The following BUD23 variants were observed in gnomAD, a reference collection of about 807,000 sequenced individuals.
BUD23 encodes the protein 18S rRNA (guanine-N(7))-methyltransferase.
A neutral mutation model predicts 47.0 loss-of-function variants in BUD23; 34 were observed. That is an observed-to-expected ratio of 0.72 (90% CI 0.55 to 0.96). The LOEUF (loss-of-function observed/expected upper bound fraction) is 0.96, where lower values mean the gene tolerates loss of function less well. Ranked by LOEUF, BUD23 falls within the 40% of genes least tolerant of loss-of-function variation. The pLI, the probability that BUD23 is intolerant of heterozygous loss-of-function variation, is 0.00. For missense variants in BUD23, 343 were observed against 361.2 expected (o/e 0.95, Z 0.41); for synonymous variants, 124 against 132.0 (o/e 0.94, Z 0.41).
At chr7:73,683,993 G>C in intron 2 of BUD23, 189 bp downstream of exon 2, 2 of 1,468,394 alleles carry the variant, frequency 1.4e-6, no homozygotes, top group East Asian at 4.9e-5. Context: ...CGGTACCTCA[G>C]CGTTGAGGTA....
chr7:73,694,142 C>G, intron 10 of BUD23, 92 bp downstream of exon 10: 1 of 1,348,510 alleles, frequency 7.4e-7, no homozygotes, highest in East Asian at 2.3e-5. Context: ...CCAAGCCTCT[C>G]AGGTCACATG....
At position 73,683,765 on chromosome 7, in the gene BUD23, A is replaced by T; in HGVS notation, c.49-2A>T. 1.2e-6 allele frequency: 2 copies of T among 1,614,000 alleles called. No individual in the cohort carries two copies. The highest frequency in any genetic ancestry group is 1.7e-6 in the Non-Finnish European group (2 of 1,180,024). On this transcript the variant is annotated splice_acceptor_variant, in intron 1 of 11. Coordinates refer to ENST00000265758, the MANE Select transcript of BUD23 (RefSeq NM_017528.5). LOFTEE classifies it high-confidence loss of function. Reference sequence around the variant, plus strand: ...CTACATGCCATTTTCTCTTTTTCGCAGTTTTATGACGAGACAGAAGCCCGG... The same window carrying T: ...CTACATGCCATTTTCTCTTTTTCGCTGTTTTATGACGAGACAGAAGCCCGG...
Position 73,698,138 on chromosome 7 carries a change from A to T in BUD23, c.*252A>T. The stretch of plus-strand genomic sequence containing the variant: ...TAATGAAACTTCCTTTCCAGGGAGG[A>T]AAAAAAAAAAAAAAAAAAGCTCTGA... On this transcript the variant is annotated 3_prime_UTR_variant, in exon 12 of 12. Transcript: ENST00000265758. 5.0e-6 allele frequency: 1 copy of T among 198,820 alleles called. No individual in the cohort carries two copies. Among genetic ancestry groups the T allele is most frequent in the East Asian group, 1.4e-4 (1 of 7,076 alleles). 12.3% of individuals were successfully genotyped at this position (198,820 alleles called of 1,614,324 possible). A position where few individuals can be genotyped will look rare whatever the true frequency, so the allele number is the denominator to read the frequency against.
At chr7:73,690,406 T>C (rs1217347624) in intron 5 of BUD23, among the ~76,000 whole-genome samples, 2 of 151,976 alleles carry the variant, frequency 1.3e-5, no homozygotes, top group African/African-American at 4.8e-5. Context: ...TGTATGTGAG[T>C]AGTCTAAAGC....
At chr7:73,688,132 A>G (rs1798051026) in intron 5 of BUD23, among the ~76,000 whole-genome samples, 1 of 151,790 alleles carries the variant, frequency 6.6e-6, no homozygotes, top group Non-Finnish European at 1.5e-5. Context: ...TCCTGACCTC[A>G]TGATCCGCCC....
Position 73,686,804 on chromosome 7 carries a change from GTCA to G in BUD23, c.183-12_183-10del. The G allele has an allele frequency of 6.2e-7, 1 of 1,614,116 alleles. No individual in the cohort carries two copies. Among genetic ancestry groups the G allele is most frequent in the Non-Finnish European group, 8.5e-7 (1 of 1,180,000 alleles). On this transcript the variant is annotated splice_polypyrimidine_tract_variant and intron_variant, in intron 3 of 11. Coordinates refer to ENST00000265758, the MANE Select transcript of BUD23 (RefSeq NM_017528.5). ...TTTGTAAACTGACCCTGAGTGTCTG[GTCA>G]TGTCTTCCAGCTGTGGCACTGGGCT...
chr7:73,693,832 C>T (rs782243119), intron 9 of BUD23, among the ~76,000 whole-genome samples, 160 bp from the exon 10 acceptor site: 1 of 152,158 alleles, frequency 6.6e-6, no homozygotes, highest in East Asian at 1.9e-4. Context: ...GAGGCAGAGA[C>T]CTCTGCTCTG....
At chr7:73,685,219 G>C (rs774835967) in intron 2 of BUD23, among the ~76,000 whole-genome samples, 48 of 152,210 alleles carry the variant, frequency 3.2e-4, no homozygotes, top group Non-Finnish European at 4.9e-4. Flanking sequence ...GGCAGAGGTT[G>C]CAGTGAGCTG....
chr7:73,684,626 G>GA (rs56146510), intron 2 of BUD23, among the ~76,000 whole-genome samples: 1 of 128,330 alleles, frequency 7.8e-6, no homozygotes, highest in Non-Finnish European at 1.6e-5. Context: ...AAGGGGGGGG[G>GA]ATGGGGGCGG....
intron 6 of BUD23, among the ~76,000 whole-genome samples, chr7:73,691,589 A>T (rs1798196045): frequency 6.6e-6 from 1 of 152,140 alleles, no homozygotes; most frequent in Admixed American, 6.5e-5. Flanking sequence ...TAAGTCCTAA[A>T]AATGAGTTCT....
intron 7 of BUD23, 176 bp downstream of exon 7, chr7:73,692,822 C>T (rs1425375301): frequency 9.9e-6 from 6 of 604,724 alleles, no homozygotes; most frequent in Admixed American, 6.4e-5. Flanking sequence ...GTGGCATCTG[C>T]GGAGGTGGGG....
At chr7:73,693,518 C>T (rs1752152646) in intron 8 of BUD23, 104 bp downstream of exon 8, 1 of 1,594,288 alleles carries the variant, frequency 6.3e-7, no homozygotes, top group African/African-American at 1.3e-5. Context: ...GGGTGTGGGT[C>T]ACCAGGGTCC....
chr7:73,692,114 G>A (rs969731218), intron 6 of BUD23, among the ~76,000 whole-genome samples: 1 of 152,130 alleles, frequency 6.6e-6, no homozygotes, highest in Non-Finnish European at 1.5e-5. Context: ...GGGGTGGACT[G>A]CGCCTGCCTA....
intron 2 of BUD23, among the ~76,000 whole-genome samples, chr7:73,685,485 C>T (rs994762294): frequency 6.6e-6 from 1 of 152,224 alleles, no homozygotes; most frequent in South Asian, 2.1e-4. Context: ...GGCTCTCATT[C>T]TATCGCCCAG....
chr7:73,686,528 TTTTG>T, intron 2 of BUD23, 104 bp from the exon 3 acceptor site: 4 of 960,164 alleles, frequency 4.2e-6, no homozygotes, highest in South Asian at 1.5e-5. Context: ...TTGATCCGTT[TTTTG>T]TTTGTTTTTA....
intron 5 of BUD23, among the ~76,000 whole-genome samples, chr7:73,690,020 A>C (rs1226043294): frequency 6.6e-6 from 1 of 151,888 alleles, no homozygotes; most frequent in East Asian, 1.9e-4. Context: ...TTATTTATTT[A>C]TTTTTTGAGA....
chr7:73,690,015 T>G (rs1270142267), intron 5 of BUD23, among the ~76,000 whole-genome samples: 1 of 151,998 alleles, frequency 6.6e-6, no homozygotes, highest in Non-Finnish European at 1.5e-5. Flanking sequence ...AGGTTTTATT[T>G]ATTTATTTTT....
intron 9 of BUD23, 109 bp downstream of exon 9, chr7:73,693,778 C>T: frequency 1.4e-6 from 2 of 1,473,346 alleles, no homozygotes; most frequent in East Asian, 2.3e-5. Flanking sequence ...CAGGGCCCAG[C>T]CCCAGAGTGC....
rs56229090 is a variant in BUD23, at chr7:73,684,923, C to CAAAAA, written c.86+1151_86+1155dup. The stretch of plus-strand genomic sequence containing the variant: ...TGGGCGACAGAGCAAGACTTTGTTT[C>CAAAAA]AAAAAAAAAAAAAAAAAAAAAAAAA... On this transcript the variant is annotated intron_variant, in intron 2 of 11. Coordinates refer to ENST00000265758, the MANE Select transcript of BUD23 (RefSeq NM_017528.5). Among the ~76,000 whole-genome samples the CAAAAA allele has an allele frequency of 5.3e-4, 26 of 49,138 alleles. 2 individuals carry two copies. The highest frequency in any genetic ancestry group is 2.2e-3 in the East Asian group (3 of 1,394). 32.2% of individuals were successfully genotyped at this position (49,138 alleles called of 152,430 possible). A position where few individuals can be genotyped will look rare whatever the true frequency, so the allele number is the denominator to read the frequency against.
Sources: gnomAD v4.1 joint callset for allele counts (sites outside exome capture counted in the v4.1 genomes callset) on GRCh38, gnomAD v4.1.1 for gene constraint, MANE v1.5 for transcripts, NCBI Gene and HGNC (gene_info 2026-07-23, HGNC 2026-07-21) for gene names.